The following GRID1 variants were observed in gnomAD, a reference collection of about 807,000 sequenced individuals.
GRID1 encodes glutamate ionotropic receptor delta type subunit 1.
In GRID1, 28 loss-of-function variants were observed where a neutral mutation model predicts 98.0. The ratio of observed to expected loss-of-function variants is 0.29; its 90% CI spans 0.21 to 0.39. GRID1 has a LOEUF of 0.39. Among genes scored for constraint, GRID1 ranks in the 10% least tolerant of loss-of-function variants. The pLI, the probability that GRID1 is intolerant of heterozygous loss-of-function variation, is 1.00. For missense variants in GRID1, 1,111 were observed against 1,340.5 expected, an observed-to-expected ratio of 0.83 and a Z score of 2.67; for synonymous variants, 553 against 538.5, an observed-to-expected ratio of 1.03 and a Z score of -0.37.
chr10:86,303,457 G>C (rs950455928), intron 2 of GRID1, among the ~76,000 whole-genome samples: 11 of 152,102 alleles, frequency 7.2e-5, no homozygotes, highest in Non-Finnish European at 1.3e-4. Flanking sequence ...GACAGAGACT[G>C]TGCTCAGCAG....
intron 14 of GRID1, among the ~76,000 whole-genome samples, chr10:85,619,083 C>T (rs1405632550): frequency 6.6e-6 from 1 of 152,204 alleles, no homozygotes; most frequent in East Asian, 1.9e-4. Flanking sequence ...GCACTAGGCT[C>T]TGCAGATTCA....
chr10:85,925,837 T>A (rs919746865), intron 4 of GRID1, among the ~76,000 whole-genome samples: 1 of 152,248 alleles, frequency 6.6e-6, no homozygotes, highest in African/African-American at 2.4e-5. Flanking sequence ...CGCTCAAGGT[T>A]AATGCTGTGA....
chr10:85,978,804 G>A lies in GRID1; in HGVS notation c.727-62565C>T, dbSNP rs148460185. Among the ~76,000 whole-genome samples, 75 of 152,260 alleles carry A rather than the reference G, an allele frequency of 4.9e-4. 1 individual carries two copies. The highest frequency in any genetic ancestry group is 1.3e-3 in the Admixed American group (20 of 15,294). ...TCCAGACTCACCTCCCAGCCATCCA[G>A]GTGCAGGATGCAACCTGCTCAGCTG... On this transcript the variant is annotated intron_variant, in intron 4 of 15. Transcript: ENST00000327946.
chr10:85,994,892 C>A (rs1842722618), intron 4 of GRID1, among the ~76,000 whole-genome samples: 1 of 152,208 alleles, frequency 6.6e-6, no homozygotes, highest in Non-Finnish European at 1.5e-5. Flanking sequence ...AAGACAGAAT[C>A]TTTAGTCAAA....
intron 4 of GRID1, among the ~76,000 whole-genome samples, chr10:85,963,971 C>T (rs1472535279): frequency 2.0e-5 from 3 of 152,088 alleles, no homozygotes; most frequent in African/African-American, 7.2e-5. Flanking sequence ...TAAAAAATCA[C>T]AAGCATCCCT....
intron 4 of GRID1, among the ~76,000 whole-genome samples, chr10:85,979,470 T>C (rs1842516198): frequency 6.6e-6 from 1 of 152,176 alleles, no homozygotes; most frequent in Admixed American, 6.5e-5. Flanking sequence ...CTGGTTCCCC[T>C]GAGGACCAGG....
intron 8 of GRID1, among the ~76,000 whole-genome samples, chr10:85,824,804 T>G (rs1206405297): frequency 6.6e-6 from 1 of 152,182 alleles, no homozygotes; most frequent in African/African-American, 2.4e-5. Flanking sequence ...GTATATTTGG[T>G]TTTCCATTTC....
intron 4 of GRID1, among the ~76,000 whole-genome samples, chr10:86,004,561 C>T (rs991151797): frequency 2.6e-5 from 4 of 152,166 alleles, no homozygotes; most frequent in African/African-American, 9.7e-5. Context: ...GCTGGCCTCT[C>T]CCAACAAGAG....
intron 12 of GRID1, among the ~76,000 whole-genome samples, chr10:85,689,067 T>C (rs1841303212): frequency 6.6e-6 from 1 of 152,222 alleles, no homozygotes; most frequent in Admixed American, 6.5e-5. Context: ...TCAGTCAACA[T>C]ATTAACCATC....
intron 2 of GRID1, among the ~76,000 whole-genome samples, chr10:86,276,833 A>G (rs1847277972): frequency 6.6e-6 from 1 of 152,144 alleles, no homozygotes; most frequent in Non-Finnish European, 1.5e-5. Flanking sequence ...AAATCAAGGC[A>G]GAAAGCAGTG....
At chr10:86,053,869 T>C (rs144603995) in intron 4 of GRID1, among the ~76,000 whole-genome samples, 4 of 152,292 alleles carry the variant, frequency 2.6e-5, no homozygotes, top group Non-Finnish European at 5.9e-5. Context: ...CATAAGCACA[T>C]GCTCACACAC....
intron 4 of GRID1, among the ~76,000 whole-genome samples, chr10:86,118,786 T>A (rs1278034093): frequency 6.6e-6 from 1 of 152,204 alleles, no homozygotes; most frequent in Non-Finnish European, 1.5e-5. Context: ...TGGCACTACC[T>A]CCATGGTCTT....
intron 4 of GRID1, among the ~76,000 whole-genome samples, chr10:85,944,850 C>A (rs536489880): frequency 3.5e-4 from 53 of 151,554 alleles, no homozygotes; most frequent in African/African-American, 1.2e-3. Context: ...TACAACGTAA[C>A]GGATATAGTA....
intron 2 of GRID1, among the ~76,000 whole-genome samples, chr10:86,301,749 T>G (rs1245088814): frequency 6.6e-6 from 1 of 152,228 alleles, no homozygotes; most frequent in Non-Finnish European, 1.5e-5. Context: ...GGATGGACAA[T>G]CATCACTGAT....
chr10:86,213,558 G>A (rs1447313213), intron 2 of GRID1, among the ~76,000 whole-genome samples: 2 of 151,998 alleles, frequency 1.3e-5, no homozygotes, highest in Admixed American at 6.6e-5. Flanking sequence ...CCCTGCTCCT[G>A]AGCTCCGAAG....
chr10:86,125,995 TAC>T (rs1844747031), intron 4 of GRID1, among the ~76,000 whole-genome samples: 1 of 152,188 alleles, frequency 6.6e-6, no homozygotes, highest in Non-Finnish European at 1.5e-5. Context: ...TCAAAAGTTA[TAC>T]ACAGATTTTT....
At chr10:85,985,796 C>T (rs992845382) in intron 4 of GRID1, among the ~76,000 whole-genome samples, 2 of 152,148 alleles carry the variant, frequency 1.3e-5, no homozygotes, top group African/African-American at 2.4e-5. Context: ...TTGGATCTCC[C>T]GGATCTGGCT....
chr10:85,882,534 A>G (rs1317835515), intron 5 of GRID1, among the ~76,000 whole-genome samples: 1 of 152,130 alleles, frequency 6.6e-6, no homozygotes, highest in African/African-American at 2.4e-5. Flanking sequence ...AAAAAACCAA[A>G]CACCGCATGT....
At chr10:86,233,530 G>A (rs1408199895) in intron 2 of GRID1, among the ~76,000 whole-genome samples, 2 of 152,116 alleles carry the variant, frequency 1.3e-5, no homozygotes, top group Non-Finnish European at 2.9e-5. Flanking sequence ...CCTCACCCAG[G>A]GGAGCTGCCG....
Sources: allele counts gnomAD v4.1 joint callset (sites outside exome capture counted in the v4.1 genomes callset), GRCh38; gene constraint gnomAD v4.1.1; transcripts MANE v1.5; gene names NCBI Gene and HGNC (gene_info 2026-07-23, HGNC 2026-07-21).